Variants in MIS18A observed in about 807,000 individuals in gnomAD.
MIS18A encodes the protein protein Mis18-alpha.
Under a neutral mutation model 25.0 loss-of-function variants are expected in MIS18A, and 14 were observed. The observed-to-expected ratio is 0.56, with a 90% CI of 0.37 to 0.88. MIS18A has a LOEUF of 0.88. Among genes scored for constraint, MIS18A ranks in the 40% least tolerant of loss-of-function variants. MIS18A has a pLI of 0.00. For missense variants in MIS18A, 292 were observed against 290.8 expected (o/e 1.00, Z -0.03); for synonymous variants, 134 against 118.6 (o/e 1.13, Z -0.84).
At chr21:32,236,830 C>G in the MIS18A span, among the ~76,000 whole-genome samples, 1 of 152,156 alleles carries the variant, frequency 6.6e-6, no homozygotes, top group South Asian at 2.1e-4. Flanking sequence ...ATGAGTCCAG[C>G]TACCAATGGA....
Position 32,269,002 on chromosome 21 carries a change from AG to A in MIS18A, c.*34del, listed in dbSNP as rs1242035005. ...CTTCATTTAACAAATAAGGGGAGGA[AG>A]GGCGGGGGCAGAATGGAGGACACAG... On this transcript the variant is annotated 3_prime_UTR_variant, in exon 5 of 5. Transcript: ENST00000290130. The A allele has an allele frequency of 7.0e-7, 1 of 1,420,810 alleles. No homozygotes were observed. The highest frequency in any genetic ancestry group is 9.7e-7 in the Non-Finnish European group (1 of 1,033,428). 88.0% of individuals were successfully genotyped at this position (1,420,810 alleles called of 1,614,324 possible). A position where few individuals can be genotyped will look rare whatever the true frequency, so the allele number is the denominator to read the frequency against.
the MIS18A span, among the ~76,000 whole-genome samples, chr21:32,198,432 A>G: frequency 6.6e-6 from 1 of 152,282 alleles, no homozygotes; most frequent in Non-Finnish European, 1.5e-5. Context: ...ATAAGAATTT[A>G]CCAGCGACTC....
chr21:32,169,577 C>T, the MIS18A span, among the ~76,000 whole-genome samples: 1 of 152,104 alleles, frequency 6.6e-6, no homozygotes, highest in Admixed American at 6.6e-5. Flanking sequence ...TGAGAAAACC[C>T]TAATCTCTTA....
the MIS18A span, among the ~76,000 whole-genome samples, chr21:32,191,251 A>C: frequency 6.6e-6 from 1 of 152,232 alleles, no homozygotes; most frequent in African/African-American, 2.4e-5. Context: ...ACAGAAATTT[A>C]CTGTATCCCA....
the MIS18A span, among the ~76,000 whole-genome samples, chr21:32,171,064 A>G: frequency 2.0e-5 from 3 of 152,132 alleles, no homozygotes; most frequent in Admixed American, 2.0e-4. Context: ...CTTTCCCTTA[A>G]GGTCAGGAAG....
At chr21:32,271,222 T>C (rs1484667288) in intron 2 of MIS18A, among the ~76,000 whole-genome samples, 6 of 152,180 alleles carry the variant, frequency 3.9e-5, no homozygotes, top group Admixed American at 2.0e-4. Context: ...TACCATTCTA[T>C]AAATATACTA....
chr21:32,160,727 G>T, the MIS18A span, among the ~76,000 whole-genome samples: 1 of 151,816 alleles, frequency 6.6e-6, no homozygotes, highest in African/African-American at 2.4e-5. Context: ...CGCTTCCCGG[G>T]TTCAAGAGAT....
the MIS18A span, among the ~76,000 whole-genome samples, chr21:32,192,268 C>T: frequency 0.53 from 80,152 of 152,036 alleles, 22,948 homozygotes; most frequent in African/African-American, 0.76. Flanking sequence ...AATGCCATCA[C>T]AGGGACCCTC....
At chr21:32,179,587 G>A in the MIS18A span, among the ~76,000 whole-genome samples, 9 of 152,234 alleles carry the variant, frequency 5.9e-5, no homozygotes, top group African/African-American at 2.2e-4. Context: ...GATTTCCCTC[G>A]CTTTACTGCC....
chr21:32,257,268 A>G, the MIS18A span, among the ~76,000 whole-genome samples: 3 of 152,228 alleles, frequency 2.0e-5, no homozygotes, highest in Non-Finnish European at 4.4e-5. Flanking sequence ...AAAAGGAATA[A>G]CCAGTGCACT....
the MIS18A span, among the ~76,000 whole-genome samples, chr21:32,196,816 G>A: frequency 5.9e-5 from 9 of 152,104 alleles, no homozygotes; most frequent in African/African-American, 1.2e-4. Flanking sequence ...GAGATAGGTC[G>A]GATAGATAGA....
chr21:32,156,265 T>A, the MIS18A span: 1 of 152,228 alleles, frequency 6.6e-6, no homozygotes, highest in African/African-American at 2.4e-5. Flanking sequence ...CAAGATTTTA[T>A]GTAAACCATT....
chr21:32,196,656 G>A, the MIS18A span, among the ~76,000 whole-genome samples: 6 of 152,036 alleles, frequency 3.9e-5, no homozygotes, highest in Non-Finnish European at 8.8e-5. Flanking sequence ...GTTTTGCCAC[G>A]TTGGCCAGGC....
Position 32,269,744 on chromosome 21 carries a change from A to G in MIS18A, c.584T>C (p.Leu195Pro). ...IVSEDKELFN[L>P]ESRVEIEKSL... ...CTTTTCTATTTCAACTCTGCTTTCA[A>G]GATTAAAAAGCTCTTTATCTTCTGA... The change falls in exon 4 of 5, where the codon CTT becomes CCT. Residue 195 changes from leucine (L) to proline (P), a missense_variant. Coordinates refer to ENST00000290130, the MANE Select transcript of MIS18A (RefSeq NM_018944.3). The G allele has an allele frequency of 6.2e-7, 1 of 1,610,908 alleles. No individual in the cohort carries two copies. Among genetic ancestry groups the G allele is most frequent in the Non-Finnish European group, 8.5e-7 (1 of 1,176,998 alleles).
chr21:32,271,707 A>G (rs1477503483), intron 2 of MIS18A, among the ~76,000 whole-genome samples: 2 of 152,188 alleles, frequency 1.3e-5, no homozygotes, highest in Non-Finnish European at 2.9e-5. Flanking sequence ...GGCCTCCCAA[A>G]TGTGAGATTA....
downstream of MIS18A, among the ~76,000 whole-genome samples, chr21:32,264,669 C>A (rs896661590): frequency 2.6e-5 from 4 of 152,150 alleles, no homozygotes; most frequent in South Asian, 2.1e-4. Flanking sequence ...ACCCCCAAGA[C>A]CCTCCTTCAA....
At chr21:32,172,217 T>C in the MIS18A span, among the ~76,000 whole-genome samples, 1 of 152,068 alleles carries the variant, frequency 6.6e-6, no homozygotes, top group Non-Finnish European at 1.5e-5. Context: ...GCAACCTTCA[T>C]GGAAAATAGT....
chr21:32,206,888 A>G, the MIS18A span, among the ~76,000 whole-genome samples: 1 of 152,102 alleles, frequency 6.6e-6, no homozygotes, highest in Non-Finnish European at 1.5e-5. Context: ...CACCTGATAC[A>G]TCACACCACT....
At chr21:32,251,969 T>A in the MIS18A span, among the ~76,000 whole-genome samples, 3 of 152,106 alleles carry the variant, frequency 2.0e-5, no homozygotes, top group Admixed American at 1.3e-4. Context: ...TTCATCAGTA[T>A]AGTTTTAGAA....
Sources: gnomAD v4.1 joint callset for allele counts (sites outside exome capture counted in the v4.1 genomes callset) on GRCh38, gnomAD v4.1.1 for gene constraint, MANE v1.5 for transcripts, NCBI Gene and HGNC (gene_info 2026-07-23, HGNC 2026-07-21) for gene names.